Variants in ZNF365 observed in about 807,000 individuals in gnomAD.
The protein encoded by ZNF365 is protein ZNF365.
In ZNF365, 22 loss-of-function variants were observed where a neutral mutation model predicts 35.0. The ratio of observed to expected loss-of-function variants is 0.63; its 90% CI spans 0.45 to 0.90. The LOEUF (loss-of-function observed/expected upper bound fraction) is 0.90, where lower values mean the gene tolerates loss of function less well. Among genes scored for constraint, ZNF365 ranks in the 40% least tolerant of loss-of-function variants. The pLI, the probability that ZNF365 is intolerant of heterozygous loss-of-function variation, is 0.00. For synonymous variants in ZNF365, 188 were observed against 196.2 expected (o/e 0.96, Z 0.35); for missense variants, 448 against 500.3 (o/e 0.90, Z 1.00).
In ZNF365 at chr10:62,420,066, G is replaced by A. The variant is rs563003586; in HGVS notation, c.924+31490G>A. 4.6e-5 allele frequency among the ~76,000 whole-genome samples: 7 copies of A among 152,082 alleles called. No homozygotes were observed. The East Asian group carries it at 1.3e-3, about 29-fold the overall frequency. ...TTAAAATCTTAATGTATTAGGTTAT[G>A]TTAATTTATTTTATAACATTAAATA... On this transcript the variant is annotated intron_variant, in intron 3 of 4. Transcript: ENST00000395255.
chr10:62,447,868 C>CATTG (rs1373678487), intron 3 of ZNF365, among the ~76,000 whole-genome samples: 3 of 152,202 alleles, frequency 2.0e-5, no homozygotes, highest in African/African-American at 7.2e-5. Context: ...TTAACCCTCA[C>CATTG]ATTGGTTCAG....
intron 4 of ZNF365, among the ~76,000 whole-genome samples, chr10:62,466,013 T>G (rs1366679942): frequency 6.6e-6 from 1 of 152,160 alleles, no homozygotes; most frequent in Non-Finnish European, 1.5e-5. Flanking sequence ...CCAAGAGCTG[T>G]GGACCTGAGT....
chr10:62,470,050 A>C (rs1841008785), intron 4 of ZNF365, among the ~76,000 whole-genome samples: 1 of 152,240 alleles, frequency 6.6e-6, no homozygotes, highest in African/African-American at 2.4e-5. Context: ...AATTTCTAGT[A>C]GTATAAATAA....
chr10:62,453,230 C>T (rs1840711172), intron 3 of ZNF365, among the ~76,000 whole-genome samples: 1 of 152,164 alleles, frequency 6.6e-6, no homozygotes, highest in African/African-American at 2.4e-5. Flanking sequence ...GTATCCATCA[C>T]CAAATAACGC....
At chr10:62,476,562 A>G (rs1482985527) in intron 4 of ZNF365, among the ~76,000 whole-genome samples, 1 of 152,206 alleles carries the variant, frequency 6.6e-6, no homozygotes, top group Non-Finnish European at 1.5e-5. Context: ...GCTAGAGGAA[A>G]AGATTGTTCT....
chr10:62,400,862 T>A lies in ZNF365; in HGVS notation c.*1073T>A, dbSNP rs563151275. On this transcript the variant is annotated 3_prime_UTR_variant, in exon 5 of 5. Transcript: ENST00000395254. ...TCTTTCAACCAAGTATCTGGAGTGT[T>A]CACTCTATGTTGCATTCTAAAGTAA... The A allele has an allele frequency of 1.0e-6, 1 of 985,540 alleles. No homozygotes were observed. The allele number at this position is 985,540 out of a possible 1,614,324, so 61.0% of individuals were successfully genotyped here.
chr10:62,422,594 C>G (rs927364343), intron 3 of ZNF365, among the ~76,000 whole-genome samples: 1 of 152,132 alleles, frequency 6.6e-6, no homozygotes, highest in South Asian at 2.1e-4. Context: ...TGTGAGAAAA[C>G]CCAGTAGGAG....
Position 62,400,584 on chromosome 10 carries a change from A to T in ZNF365, c.*795A>T. ...GAAGTAAAATCCTCTTTTGATTAGC[A>T]CCCAGCATGGGCTGGGTGGCTAGGT... On this transcript the variant is annotated 3_prime_UTR_variant, in exon 5 of 5. Coordinates refer to ENST00000395254, the MANE Select transcript of ZNF365 (RefSeq NM_014951.3). 1 of 985,896 alleles carries T rather than the reference A, an allele frequency of 1.0e-6. No individual in the cohort carries two copies. Among genetic ancestry groups the T allele is most frequent in the Non-Finnish European group, 1.2e-6 (1 of 829,950 alleles). The allele number at this position is 985,896 out of a possible 1,614,324, so 61.1% of individuals were successfully genotyped here. A position where few individuals can be genotyped will look rare whatever the true frequency, so the allele number is the denominator to read the frequency against.
intron 3 of ZNF365, among the ~76,000 whole-genome samples, chr10:62,413,252 C>T (rs1466746504): frequency 2.6e-5 from 4 of 152,064 alleles, no homozygotes; most frequent in South Asian, 2.1e-4. Context: ...CTAGTTCCTC[C>T]GACTCATACT....
chr10:62,415,020 G>GA (rs1564580499), intron 3 of ZNF365, among the ~76,000 whole-genome samples: 10 of 151,602 alleles, frequency 6.6e-5, no homozygotes. Context: ...TAAAATTTTC[G>GA]TCTGATTTGT....
downstream of ZNF365, among the ~76,000 whole-genome samples, chr10:62,405,190 A>G (rs1222083722): frequency 6.6e-6 from 1 of 152,182 alleles, no homozygotes; most frequent in East Asian, 1.9e-4. Context: ...AATCAACAGC[A>G]GTTCTTTCCA....
At chr10:62,456,009 C>T (rs1840755756) in intron 3 of ZNF365, among the ~76,000 whole-genome samples, 1 of 152,216 alleles carries the variant, frequency 6.6e-6, no homozygotes, top group African/African-American at 2.4e-5. Flanking sequence ...ACTCCTGACA[C>T]TCCACTACAG....
chr10:62,405,306 C>T (rs1839888894), downstream of ZNF365, among the ~76,000 whole-genome samples: 1 of 152,120 alleles, frequency 6.6e-6, no homozygotes, highest in South Asian at 2.1e-4. Flanking sequence ...TTTGATTATT[C>T]TTCAGCTTTT....
At chr10:62,421,749 T>A (rs1840172068) in intron 3 of ZNF365, among the ~76,000 whole-genome samples, 1 of 152,228 alleles carries the variant, frequency 6.6e-6, no homozygotes, top group Admixed American at 6.5e-5. Context: ...CATCAAAATC[T>A]TGAAAGCTGC....
chr10:62,428,482 C>T (rs1165494438), intron 3 of ZNF365, among the ~76,000 whole-genome samples: 1 of 152,174 alleles, frequency 6.6e-6, no homozygotes, highest in Non-Finnish European at 1.5e-5. Context: ...CTTCCTGCTG[C>T]CATGTGAAGA....
chr10:62,435,673 A>G (rs1439962681), intron 3 of ZNF365, among the ~76,000 whole-genome samples: 1 of 152,166 alleles, frequency 6.6e-6, no homozygotes, highest in African/African-American at 2.4e-5. Context: ...ATCAATCCCA[A>G]TTCTCATCCA....
rs776087887 is a variant in ZNF365, at chr10:62,399,663, G to T, written c.1098G>T (p.Gln366His). The T allele has an allele frequency of 3.7e-6, 6 of 1,614,102 alleles. No homozygotes were observed. Among genetic ancestry groups the T allele is most frequent in the Non-Finnish European group, 5.1e-6 (6 of 1,180,032 alleles). ...AGCCTGCCAAGGCCATTCACGAACA[G>T]GCTGAGTCCTCAAGAGACCTCTGCA... The part of the protein sequence containing the change: ...SMQPAKAIHE[Q>H]AESSRDLCRP... Residue 366 changes from glutamine (Q) to histidine (H), a missense_variant, in exon 5 of 5, where the codon CAG (glutamine) becomes CAT (histidine). Physicochemically the swap from Gln to His is conservative, Grantham distance 24. Around this residue, in one of 3 missense-constraint regions of ZNF365, gnomAD observed 362 missense variants for 375.7 expected, o/e 0.96. Coordinates refer to ENST00000395254, the MANE Select transcript of ZNF365 (RefSeq NM_014951.3).
chr10:62,391,356 T>G (rs1022862868), intron 3 of ZNF365, among the ~76,000 whole-genome samples: 1 of 152,150 alleles, frequency 6.6e-6, no homozygotes, highest in Non-Finnish European at 1.5e-5. Context: ...TGTACCCAGT[T>G]TGTAGTCTTT....
At chr10:62,396,397 T>C (rs1030921032) in intron 3 of ZNF365, among the ~76,000 whole-genome samples, 1 of 152,132 alleles carries the variant, frequency 6.6e-6, no homozygotes, top group African/African-American at 2.4e-5. Context: ...AGCTTCCGTA[T>C]CTCTAAAATT....
Sources: allele counts gnomAD v4.1 joint callset (sites outside exome capture counted in the v4.1 genomes callset), GRCh38; gene constraint gnomAD v4.1.1; regional missense constraint gnomAD v4.1.1; transcripts MANE v1.5; gene names NCBI Gene and HGNC (gene_info 2026-07-23, HGNC 2026-07-21).